The following SMAP2 variants were observed in gnomAD, a reference collection of about 807,000 sequenced individuals.
The protein encoded by SMAP2 is small ArfGAP2.
SMAP2 carries 25 observed loss-of-function variants against 56.4 expected under a neutral mutation model. The observed-to-expected ratio is 0.44, with a 90% confidence interval of 0.32 to 0.62. SMAP2 has a LOEUF of 0.62. Among genes scored for constraint, SMAP2 ranks in the 20% least tolerant of loss-of-function variants. SMAP2 has a pLI of 0.04. For missense variants in SMAP2, 388 were observed against 545.6 expected, an observed-to-expected ratio of 0.71 and a Z score of 2.88; for synonymous variants, 157 against 181.7, an observed-to-expected ratio of 0.86 and a Z score of 1.09.
At position 40,354,767 on chromosome 1, in the gene SMAP2, A is replaced by ATTTTTTTTTTTTTTTTT. The variant is rs774191085; in HGVS notation, c.-82-7522_-82-7506dup. Among the ~76,000 whole-genome samples, 13 of 67,330 alleles carry ATTTTTTTTTTTTTTTTT rather than the reference A, an allele frequency of 1.9e-4. 3 individuals carry two copies. The highest frequency in any genetic ancestry group is 5.1e-4 in the Admixed American group (2 of 3,888). 44.2% of individuals were successfully genotyped at this position (67,330 alleles called of 152,430 possible). On this transcript the variant is annotated intron_variant, in intron 1 of 6. Transcript: ENST00000435168. The stretch of plus-strand genomic sequence containing the variant: ...GCAGTGAAATGAACCAAAACATTGA[A>ATTTTTTTTTTTTTTTTT]TTTTTTTTTTTTTTTTTTTTTTTTT...
At position 40,373,894 on chromosome 1, in the gene SMAP2, G is replaced by A; in HGVS notation, c.-227G>A. On this transcript the variant is annotated 5_prime_UTR_variant, in exon 1 of 10. Transcript: ENST00000372718. ...GGCCCCGCAGCCTCTCTTGGAGGCG[G>A]GCCTGTCCCTAAGCCCGCCAAGGGG... The A allele has an allele frequency of 2.1e-6, 1 of 478,282 alleles. No individual in the cohort carries two copies. The highest frequency in any genetic ancestry group is 3.6e-5 in the Admixed American group (1 of 27,736). 29.6% of individuals were successfully genotyped at this position (478,282 alleles called of 1,614,324 possible). A position where few individuals can be genotyped will look rare whatever the true frequency, so the allele number is the denominator to read the frequency against.
At chr1:40,399,901 A>C (rs1644815158) in intron 1 of SMAP2, among the ~76,000 whole-genome samples, 1 of 152,188 alleles carries the variant, frequency 6.6e-6, no homozygotes, top group South Asian at 2.1e-4. Flanking sequence ...GTATAGCTGA[A>C]ACAAAATTGG....
At position 40,383,536 on chromosome 1, in the gene SMAP2, G is replaced by A. The variant is rs143816666; in HGVS notation, c.103+9313G>A. Among the ~76,000 whole-genome samples the A allele has an allele frequency of 8.9e-4, 135 of 152,254 alleles. 1 individual carries two copies. The highest frequency in any genetic ancestry group is 3.1e-3 in the African/African-American group (129 of 41,552). ...ATTATTTTGGACAAGAGAACGGAAG[G>A]GTTTTCCGGCAGATATAACATTGCG... On this transcript the variant is annotated intron_variant, in intron 1 of 9. Transcript: ENST00000372718.
chr1:40,363,093 AG>A (rs1402734046), intron 2 of SMAP2, among the ~76,000 whole-genome samples: 2 of 152,226 alleles, frequency 1.3e-5, no homozygotes, highest in African/African-American at 4.8e-5. Flanking sequence ...AAGTTTAACC[AG>A]GAAAAAAATG....
intron 9 of SMAP2, 123 bp from the exon 10 acceptor site, chr1:40,421,853 A>T: frequency 8.8e-7 from 1 of 1,136,858 alleles, no homozygotes; most frequent in Non-Finnish European, 1.3e-6. Flanking sequence ...TACTGTCCAT[A>T]ACAGAGTTTC....
Position 40,346,608 on chromosome 1 carries a change from G to C in SMAP2, c.-83+1698G>C, listed in dbSNP as rs118133367. On this transcript the variant is annotated intron_variant, in intron 1 of 6. Coordinates refer to the SMAP2 transcript ENST00000435168. The stretch of plus-strand genomic sequence containing the variant: ...TAGTCTCAAACTCCTGGCCTCAAGA[G>C]ATCCTCCAGTCTCAGCCTCCCAGAG... Among the ~76,000 whole-genome samples the C allele has an allele frequency of 1.2e-3, 183 of 152,022 alleles. 4 individuals carry two copies. The East Asian group carries it at 0.031, about 25-fold the overall frequency.
chr1:40,396,946 C>A, intron 1 of SMAP2: 2 of 733,406 alleles, frequency 2.7e-6, no homozygotes, highest in Non-Finnish European at 3.3e-6. Flanking sequence ...TTTACTTTGA[C>A]TTCCAAATTT....
At chr1:40,359,031 T>C (rs1049022225) in intron 1 of SMAP2, among the ~76,000 whole-genome samples, 1 of 152,222 alleles carries the variant, frequency 6.6e-6, no homozygotes, top group East Asian at 1.9e-4. Flanking sequence ...ATATAGTTAC[T>C]TCTGTTCTTT....
At chr1:40,412,752 C>G (rs576319815) in intron 4 of SMAP2, among the ~76,000 whole-genome samples, 158 of 152,254 alleles carry the variant, frequency 1.0e-3, no homozygotes, top group Non-Finnish European at 2.0e-3. Flanking sequence ...TACATAGCCT[C>G]GACTGCAAAT....
Position 40,420,142 on chromosome 1 carries a change from G to A in SMAP2, c.1165-1834G>A, listed in dbSNP as rs1398104836. 3.3e-5 allele frequency among the ~76,000 whole-genome samples: 5 copies of A among 152,200 alleles called. No individual in the cohort carries two copies. The East Asian group carries it at 7.7e-4, about 23-fold the overall frequency. ...AGCAGTCTCATTAATTTTTTTCAAA[G>A]AACCAGGATTTCGATTTATTGGTGC... On this transcript the variant is annotated intron_variant, in intron 9 of 9. Transcript: ENST00000372718.
chr1:40,414,470 G>A (rs1479650412), intron 6 of SMAP2, among the ~76,000 whole-genome samples: 1 of 152,206 alleles, frequency 6.6e-6, no homozygotes, highest in Non-Finnish European at 1.5e-5. Flanking sequence ...ATGGCCTTTG[G>A]AGCCAGTGTC....
chr1:40,409,324 AT>A (rs1387150920), intron 3 of SMAP2, among the ~76,000 whole-genome samples: 3 of 151,888 alleles, frequency 2.0e-5, no homozygotes, highest in Non-Finnish European at 1.5e-5. Flanking sequence ...TTAAATGCAG[AT>A]TTGGGGCCTT....
chr1:40,406,716 C>G lies in SMAP2; in HGVS notation c.104-20C>G. On this transcript the variant is annotated intron_variant, in intron 1 of 9. Transcript: ENST00000372718. ...AATGTTGTAATTTGTACTTTATTGC[C>G]CTGTTCCTGACTTTCACAGGGCCGC... 6.2e-7 allele frequency: 1 copy of G among 1,603,826 alleles called. No homozygotes were observed. The highest frequency in any genetic ancestry group is 8.5e-7 in the Non-Finnish European group (1 of 1,173,306).
chr1:40,395,242 C>T (rs1048796613), intron 1 of SMAP2, among the ~76,000 whole-genome samples: 1 of 152,110 alleles, frequency 6.6e-6, no homozygotes, highest in Non-Finnish European at 1.5e-5. Flanking sequence ...CCTGAAGTCA[C>T]CTGGGGAATT....
At chr1:40,412,120 A>AT (rs1035189077) in intron 4 of SMAP2, among the ~76,000 whole-genome samples, 2 of 152,094 alleles carry the variant, frequency 1.3e-5, no homozygotes, top group Middle Eastern at 3.4e-3. Flanking sequence ...ATGTTATTTA[A>AT]TTTTTTTTAG....
intron 1 of SMAP2, among the ~76,000 whole-genome samples, chr1:40,397,104 G>A (rs189561589): frequency 5.2e-4 from 79 of 152,170 alleles, no homozygotes; most frequent in East Asian, 9.6e-4. Context: ...ATTTGATTCC[G>A]TGTTTTAGGT....
intron 1 of SMAP2, among the ~76,000 whole-genome samples, chr1:40,403,373 C>T (rs758394081): frequency 4.2e-4 from 64 of 152,236 alleles, no homozygotes; most frequent in Admixed American, 2.0e-3. Context: ...GGTGTGGTAG[C>T]ACGCGCCTAT....
Position 40,415,252 on chromosome 1 carries a change from A to G in SMAP2, c.572-20A>G, listed in dbSNP as rs768447682. Reference sequence around the variant, plus strand: ...GCTTAATAAGCAGTGCTGCATCTTAACTTCGATCTCTCTTTCTAGATGCTC... The same window carrying G: ...GCTTAATAAGCAGTGCTGCATCTTAGCTTCGATCTCTCTTTCTAGATGCTC... On this transcript the variant is annotated intron_variant, in intron 6 of 9. Coordinates refer to ENST00000372718, the MANE Select transcript of SMAP2 (RefSeq NM_022733.3). 6.3e-7 allele frequency: 1 copy of G among 1,584,928 alleles called. No homozygotes were observed. The highest frequency in any genetic ancestry group is 1.1e-5 in the South Asian group (1 of 90,448).
intron 1 of SMAP2, among the ~76,000 whole-genome samples, chr1:40,394,356 T>A (rs945858104): frequency 6.6e-6 from 1 of 152,126 alleles, no homozygotes; most frequent in African/African-American, 2.4e-5. Flanking sequence ...CTTACGGGGA[T>A]CCACTTTTGC....
Sources: gnomAD v4.1 joint callset for allele counts (sites outside exome capture counted in the v4.1 genomes callset) on GRCh38, gnomAD v4.1.1 for gene constraint, MANE v1.5 for transcripts, NCBI Gene and HGNC (gene_info 2026-07-23, HGNC 2026-07-21) for gene names.